Variants in MICAL1 observed in about 807,000 individuals in gnomAD.
MICAL1 encodes [F-actin]-monooxygenase MICAL1.
MICAL1 carries 95 observed loss-of-function variants against 131.8 expected under a neutral mutation model. The ratio of observed to expected loss-of-function variants is 0.72; its 90% CI spans 0.61 to 0.86. MICAL1 has a LOEUF of 0.86. Ranked by LOEUF, MICAL1 falls within the 40% of genes least tolerant of loss-of-function variation. MICAL1 has a pLI of 0.00. For missense variants in MICAL1, 1,292 were observed against 1,380.6 expected (o/e 0.94, Z 1.02); for synonymous variants, 546 against 554.2 (o/e 0.99, Z 0.21).
Position 109,446,295 on chromosome 6 carries a change from G to A in MICAL1, c.2422C>T (p.Leu808Phe). 1 of 1,614,186 alleles carries A rather than the reference G, an allele frequency of 6.2e-7. No individual in the cohort carries two copies. The highest frequency in any genetic ancestry group is 8.5e-7 in the Non-Finnish European group (1 of 1,180,028). The stretch of plus-strand genomic sequence containing the variant: ...AACCGCTGGCGCTCCGGGCTGGAGA[G>A]GCGGATCTGCCGACGGGTGGGCTGG... ...PSQPTRRQIR[L>F]SSPERQRLSS... Residue 808 changes from leucine to phenylalanine, a missense_variant, in exon 19 of 25, where the codon CTC (leucine) becomes TTC (phenylalanine). Transcript: ENST00000358807.
rs753771174 is a variant in MICAL1 at position 109,445,439 on chromosome 6, TCTC to T, written c.2761_2763del (p.Glu921del). The T allele has an allele frequency of 5.6e-6, 9 of 1,613,910 alleles. No homozygotes were observed. Among genetic ancestry groups the T allele is most frequent in the Middle Eastern group, 1.6e-4 (1 of 6,084 alleles). On this transcript the variant is annotated inframe_deletion, in exon 21 of 25. Transcript: ENST00000358807. ...ACCTGGGCCTTGCAGAACCTCTTCATCTCCTCCTCCTTCGCACGGCGCAGCAGA... is the reference window on the plus strand; with the variant it reads ...ACCTGGGCCTTGCAGAACCTCTTCATCTCCTCCTTCGCACGGCGCAGCAGA...
upstream of MICAL1, among the ~76,000 whole-genome samples, chr6:109,456,980 G>C (rs953535329): frequency 2.0e-5 from 3 of 152,096 alleles, no homozygotes; most frequent in African/African-American, 7.2e-5. Flanking sequence ...TGTTACACTG[G>C]AAGCACTAAT....
upstream of MICAL1, chr6:109,455,956 C>T: frequency 1.0e-6 from 1 of 985,506 alleles, no homozygotes; most frequent in African/African-American, 1.7e-5. This position sits in a 1 kb window ranked among gnomAD's most constrained non-coding sequence, Gnocchi z 4.7. Flanking sequence ...CTTCTGGATC[C>T]CTCTACCGCC....
chr6:109,446,950 G>A (rs1389909404), intron 17 of MICAL1, 123 bp downstream of exon 17: 5 of 1,326,736 alleles, frequency 3.8e-6, no homozygotes, highest in African/African-American at 1.5e-5. Context: ...AAGACCCTGA[G>A]CTCAGGAGAA....
intron 7 of MICAL1, 125 bp downstream of exon 7, chr6:109,451,475 G>C (rs1032663468): frequency 8.6e-7 from 1 of 1,161,306 alleles, no homozygotes; most frequent in Non-Finnish European, 1.2e-6. Flanking sequence ...TAGAGGTGAA[G>C]TTAATGCCAG....
chr6:109,444,716 T>G lies in MICAL1; in HGVS notation c.3055+9A>C, dbSNP rs1057232447. 2.5e-6 allele frequency: 4 copies of G among 1,614,056 alleles called. No individual in the cohort carries two copies. Among genetic ancestry groups the G allele is most frequent in the Non-Finnish European group, 3.4e-6 (4 of 1,180,002 alleles). On this transcript the variant is annotated intron_variant, in intron 24 of 24. Coordinates refer to ENST00000358807, the MANE Select transcript of MICAL1 (RefSeq NM_022765.4). ...GGGATGTGTCTGCTTCTCCCCACATTTCACCTACCTTCCCGGTTCATGTAG... is the reference window on the plus strand; with the variant it reads ...GGGATGTGTCTGCTTCTCCCCACATGTCACCTACCTTCCCGGTTCATGTAG...
intron 19 of MICAL1, 65 bp from the exon 20 acceptor site, chr6:109,445,927 A>G (rs1325260802): frequency 1.3e-6 from 2 of 1,556,422 alleles, no homozygotes; most frequent in East Asian, 2.3e-5. Context: ...AACAAAGAGC[A>G]TGGTGGTGAC....
chr6:109,445,788 C>A lies in MICAL1; in HGVS notation c.2656G>T (p.Asp886Tyr). Residue 886 changes from aspartate to tyrosine, a missense_variant, in exon 20 of 25, where the codon GAC becomes TAC. Asp to Tyr is a radical substitution (Grantham distance 160). Transcript: ENST00000358807. The part of the protein sequence containing the change: ...SEEEEEDVPL[D>Y]SDVEQALQTF... ...CCACTCACCTGTTCCACATCTGAGT[C>A]CAAAGGCACATCTTCTTCTTCCTCT... 6.2e-7 allele frequency: 1 copy of A among 1,611,600 alleles called. No homozygotes were observed. Among genetic ancestry groups the A allele is most frequent in the Non-Finnish European group, 8.5e-7 (1 of 1,179,064 alleles).
chr6:109,459,628 C>G (rs1384570526), upstream of MICAL1, among the ~76,000 whole-genome samples: 2 of 152,140 alleles, frequency 1.3e-5, no homozygotes, highest in Non-Finnish European at 2.9e-5. Context: ...AGTCAAAGCA[C>G]AATTATGATT....
intron 1 of MICAL1, among the ~76,000 whole-genome samples, chr6:109,460,962 C>CT (rs948450830): frequency 1.3e-5 from 2 of 152,068 alleles, no homozygotes; most frequent in African/African-American, 4.8e-5. Context: ...TTCGATTAAG[C>CT]TTTTTTTTAA....
intron 8 of MICAL1, 54 bp from the exon 9 acceptor site, chr6:109,450,139 C>A: frequency 6.3e-7 from 1 of 1,586,706 alleles, no homozygotes; most frequent in East Asian, 2.2e-5. Context: ...CAGGTGCATC[C>A]CAAGCCCAGA....
At chr6:109,451,834 CCA>C in intron 6 of MICAL1, 134 bp from the exon 7 acceptor site, 1 of 1,455,876 alleles carries the variant, frequency 6.9e-7, no homozygotes, top group Non-Finnish European at 9.1e-7. Flanking sequence ...GCATAGAACC[CCA>C]CGAGTCCTGA....
chr6:109,450,230 T>C, intron 8 of MICAL1, 70 bp downstream of exon 8: 1 of 1,570,036 alleles, frequency 6.4e-7, no homozygotes, highest in Non-Finnish European at 8.7e-7. Flanking sequence ...CAGACCTTTT[T>C]ATCCCCTCCT....
At chr6:109,445,636 G>A (rs1414979662) in intron 20 of MICAL1, 107 bp from the exon 21 acceptor site, 11 of 1,500,456 alleles carry the variant, frequency 7.3e-6, no homozygotes, top group African/African-American at 1.4e-5. Context: ...GGTAAGCTCT[G>A]GTAGAAAAGG....
At chr6:109,448,089 C>T in intron 13 of MICAL1, 114 bp downstream of exon 13, 1 of 1,367,626 alleles carries the variant, frequency 7.3e-7, no homozygotes, top group South Asian at 1.4e-5. Flanking sequence ...CGCCTTCTTC[C>T]TCTTTCTGAC....
chr6:109,462,625 T>G (rs1304325428), intron 1 of MICAL1: 2 of 152,230 alleles, frequency 1.3e-5, no homozygotes, highest in African/African-American at 4.8e-5. Flanking sequence ...TTTAATCTGT[T>G]GCTCACAACA....
chr6:109,457,939 C>A (rs994627696), upstream of MICAL1, among the ~76,000 whole-genome samples: 1 of 152,286 alleles, frequency 6.6e-6, no homozygotes, highest in East Asian at 1.9e-4. Context: ...CTTTGCTTCA[C>A]GCTAGCCTAG....
upstream of MICAL1, chr6:109,455,894 G>A (rs948637133): frequency 1.2e-5 from 12 of 985,402 alleles, no homozygotes; most frequent in Admixed American, 6.1e-5. This position sits in a 1 kb window ranked among gnomAD's most constrained non-coding sequence, Gnocchi z 4.7. Context: ...GCTTCCGCGA[G>A]GGGCGCGGGG....
At chr6:109,453,885 C>G (rs377021823) in intron 2 of MICAL1, 40 bp from the exon 3 acceptor site, 2 of 1,610,252 alleles carry the variant, frequency 1.2e-6, no homozygotes, top group Non-Finnish European at 1.7e-6. Context: ...GCATCCTGTC[C>G]GTCCTCTGAC....
Sources: allele counts gnomAD v4.1 joint callset (sites outside exome capture counted in the v4.1 genomes callset), GRCh38; gene constraint gnomAD v4.1.1; non-coding constraint Gnocchi (gnomAD v3.1); transcripts MANE v1.5; gene names NCBI Gene and HGNC (gene_info 2026-07-23, HGNC 2026-07-21).